HIKESHI: variants seen among roughly 807,000 people sequenced by gnomAD.
The protein encoded by HIKESHI is protein Hikeshi.
HIKESHI carries 13 observed loss-of-function variants against 25.7 expected under a neutral mutation model. The observed-to-expected ratio is 0.51, with a 90% CI of 0.33 to 0.80. The LOEUF is 0.80. Among genes scored for constraint, HIKESHI ranks in the 30% least tolerant of loss-of-function variants. The probability of loss-of-function intolerance (pLI) is 0.02; values close to 1 mark genes in which losing one functional copy is unlikely to be tolerated. For synonymous variants in HIKESHI, 76 were observed against 78.7 expected, an observed-to-expected ratio of 0.97 and a Z score of 0.18; for missense variants, 174 against 229.5, an observed-to-expected ratio of 0.76 and a Z score of 1.56.
chr11:86,333,353 T>C (rs1947468993), intron 2 of HIKESHI, among the ~76,000 whole-genome samples: 1 of 152,054 alleles, frequency 6.6e-6, no homozygotes, highest in Non-Finnish European at 1.5e-5. Flanking sequence ...CTGGCCAACA[T>C]GGTGAAACCC....
chr11:86,312,373 G>A (rs977175096), intron 2 of HIKESHI, among the ~76,000 whole-genome samples: 7 of 152,108 alleles, frequency 4.6e-5, no homozygotes, highest in African/African-American at 1.7e-4. Context: ...TCAGAGACTA[G>A]GATTGCAACC....
At chr11:86,314,769 C>T (rs557908653) in intron 2 of HIKESHI, among the ~76,000 whole-genome samples, 1 of 152,248 alleles carries the variant, frequency 6.6e-6, no homozygotes, top group African/African-American at 2.4e-5. Context: ...TTCATGAGAT[C>T]ATTATCATAA....
intron 2 of HIKESHI, among the ~76,000 whole-genome samples, chr11:86,319,825 G>T (rs1369743186): frequency 6.6e-6 from 1 of 152,088 alleles, no homozygotes. Context: ...ATAGGTGGTG[G>T]TGTGTTTTTC....
Position 86,337,428 on chromosome 11 carries a change from A to G in HIKESHI, c.318A>G (p.Pro106=), listed in dbSNP as rs376891384. 11 of 1,613,964 alleles carry G rather than the reference A, an allele frequency of 6.8e-6. No individual in the cohort carries two copies. The African/African-American group carries it at 1.3e-4, about 20-fold the overall frequency. The change falls in exon 3 of 5, where the codon CCA becomes CCG. Residue 106 remains proline, a synonymous_variant. Transcript: ENST00000278483. ...PFGAMNIVRT[P]SVAQIGISVE... is the part of the protein sequence containing the mutation. ...GAGCCATGAATATTGTCCGAACTCC[A>G]TCTGTTGCTCAGATTGGAATTTCAG...
chr11:86,306,958 C>T (rs1157927334), intron 2 of HIKESHI, among the ~76,000 whole-genome samples: 1 of 148,782 alleles, frequency 6.7e-6, no homozygotes, highest in Non-Finnish European at 1.5e-5. Context: ...CAAGATCCCA[C>T]CACTGCACTC....
At chr11:86,345,113 G>A (rs905728358) in intron 4 of HIKESHI, 3 of 1,057,538 alleles carry the variant, frequency 2.8e-6, no homozygotes, top group African/African-American at 1.7e-5. Flanking sequence ...TTCACTTTGA[G>A]TATCCTAGAG....
chr11:86,307,612 AAAT>A (rs1946676491), intron 2 of HIKESHI, among the ~76,000 whole-genome samples: 2 of 104,748 alleles, frequency 1.9e-5, no homozygotes, highest in African/African-American at 3.4e-5. Context: ...ATTATATATA[AAAT>A]ATATATTATG....
rs1040377300 is a variant in HIKESHI, at chr11:86,344,587, A to G, written c.421-16A>G. The stretch of plus-strand genomic sequence containing the variant: ...AGTATTCAGTATAATCCATTAATCT[A>G]TTATTAACTTTTCAGTTCACACAAA... On this transcript the variant is annotated splice_polypyrimidine_tract_variant and intron_variant, in intron 3 of 4. Coordinates refer to ENST00000278483, the MANE Select transcript of HIKESHI (RefSeq NM_016401.4). 10 of 1,398,000 alleles carry G rather than the reference A, an allele frequency of 7.2e-6. No homozygotes were observed. Among genetic ancestry groups the G allele is most frequent in the Non-Finnish European group, 9.1e-6 (9 of 990,500 alleles). 86.6% of individuals were successfully genotyped at this position (1,398,000 alleles called of 1,614,324 possible).
chr11:86,340,771 A>T (rs560680000), intron 3 of HIKESHI, among the ~76,000 whole-genome samples: 39 of 151,976 alleles, frequency 2.6e-4, no homozygotes, highest in African/African-American at 8.9e-4. Flanking sequence ...CAGCCTCCCA[A>T]GTAGCTGGGA....
intron 2 of HIKESHI, among the ~76,000 whole-genome samples, chr11:86,321,572 C>T (rs979156992): frequency 1.3e-4 from 20 of 152,046 alleles, no homozygotes; most frequent in African/African-American, 4.6e-4. Context: ...CTCTGTTGCC[C>T]AGGCAGGAGT....
chr11:86,316,202 T>A (rs747769439), intron 2 of HIKESHI, among the ~76,000 whole-genome samples: 1 of 145,086 alleles, frequency 6.9e-6, no homozygotes, highest in Non-Finnish European at 1.5e-5. Context: ...TCCACTAGAA[T>A]GTAGGAAAAG....
chr11:86,340,745 AG>A (rs1947703025), intron 3 of HIKESHI, among the ~76,000 whole-genome samples: 1 of 152,134 alleles, frequency 6.6e-6, no homozygotes, highest in Non-Finnish European at 1.5e-5. Flanking sequence ...CTCAGGTTCA[AG>A]CAATTCTCCT....
chr11:86,324,284 C>T (rs191542838), intron 2 of HIKESHI: 45 of 152,224 alleles, frequency 3.0e-4, no homozygotes, highest in African/African-American at 9.4e-4. Flanking sequence ...TAGGTAGGAC[C>T]GCAGATGCAC....
rs74694718 is a variant in HIKESHI, at chr11:86,345,408, T to G, written c.540-176T>G. 487 of 492,626 alleles carry G rather than the reference T, an allele frequency of 9.9e-4. 4 individuals are homozygous for G. Among genetic ancestry groups the G allele is most frequent in the African/African-American group, 9.0e-3 (443 of 49,382 alleles). The allele number at this position is 492,626 out of a possible 1,614,324, so 30.5% of individuals were successfully genotyped here. ...ATCAAAACTGCCCCGATATTTAAAT[T>G]CCTATGCTTGCTGTCTTTTTATAAG... On this transcript the variant is annotated intron_variant, in intron 4 of 4. Coordinates refer to ENST00000278483, the MANE Select transcript of HIKESHI (RefSeq NM_016401.4).
chr11:86,322,091 A>T (rs181990567), intron 2 of HIKESHI, among the ~76,000 whole-genome samples: 49 of 152,168 alleles, frequency 3.2e-4, no homozygotes, highest in Non-Finnish European at 5.3e-4. Context: ...GGTTCAAGCA[A>T]TTCTCCTGCC....
chr11:86,324,873 C>A (rs928371380), intron 2 of HIKESHI, among the ~76,000 whole-genome samples: 1 of 152,016 alleles, frequency 6.6e-6, no homozygotes, highest in African/African-American at 2.4e-5. Context: ...TCAAGTGAAA[C>A]AAATTTCATG....
chr11:86,332,574 A>G (rs939240346), intron 2 of HIKESHI, among the ~76,000 whole-genome samples: 2 of 152,184 alleles, frequency 1.3e-5, no homozygotes, highest in African/African-American at 4.8e-5. Context: ...CTTTACCTAT[A>G]TATTGAAGCA....
At chr11:86,329,032 C>T (rs1014078213) in intron 2 of HIKESHI, among the ~76,000 whole-genome samples, 5 of 151,540 alleles carry the variant, frequency 3.3e-5, no homozygotes, top group Non-Finnish European at 7.4e-5. Context: ...TGATGGGTTC[C>T]AAAAGTATTA....
chr11:86,308,221 C>T lies in HIKESHI; in HGVS notation c.268+1739C>T, dbSNP rs61904303. On this transcript the variant is annotated intron_variant, in intron 2 of 4. Coordinates refer to ENST00000278483, the MANE Select transcript of HIKESHI (RefSeq NM_016401.4). The stretch of plus-strand genomic sequence containing the variant: ...TATATTATATATAAAATATATATTA[C>T]ATATAAAATATATATTATATATAAA... 5.0e-3 allele frequency among the ~76,000 whole-genome samples: 198 copies of T among 39,684 alleles called. 1 individual carries two copies. The highest frequency in any genetic ancestry group is 9.7e-3 in the African/African-American group (121 of 12,496). The allele number at this position is 39,684 out of a possible 152,430, so 26.0% of individuals were successfully genotyped here.
Sources: allele counts gnomAD v4.1 joint callset (sites outside exome capture counted in the v4.1 genomes callset), GRCh38; gene constraint gnomAD v4.1.1; transcripts MANE v1.5; gene names NCBI Gene and HGNC (gene_info 2026-07-23, HGNC 2026-07-21).